The following SLCO3A1 variants were observed in gnomAD, a reference collection of about 807,000 sequenced individuals.
SLCO3A1 encodes PGE1 transporter.
A neutral mutation model predicts 63.1 loss-of-function variants in SLCO3A1; 27 were observed. That is an observed-to-expected ratio of 0.43 (90% CI 0.32 to 0.59). The LOEUF is 0.59. SLCO3A1 is among the 20% of genes least tolerant of loss of function. The pLI is 0.09. For synonymous variants in SLCO3A1, 473 were observed against 409.9 expected, an observed-to-expected ratio of 1.15 and a Z score of -1.86; for missense variants, 773 against 945.8, an observed-to-expected ratio of 0.82 and a Z score of 2.40.
intron 2 of SLCO3A1, among the ~76,000 whole-genome samples, chr15:92,016,212 G>C (rs78223186): frequency 0.14 from 8,039 of 57,140 alleles, 352 homozygotes; most frequent in African/African-American, 0.25. Flanking sequence ...TATATAGATA[G>C]ATAGATAGAT....
downstream of SLCO3A1, among the ~76,000 whole-genome samples, chr15:92,169,062 A>T (rs1241849034): frequency 2.0e-5 from 3 of 152,228 alleles, no homozygotes; most frequent in Non-Finnish European, 4.4e-5. Flanking sequence ...CTTGGTAAGC[A>T]CTAATAATAG....
chr15:92,018,695 C>T (rs151238907), intron 2 of SLCO3A1, among the ~76,000 whole-genome samples: 1 of 152,246 alleles, frequency 6.6e-6, no homozygotes, highest in Non-Finnish European at 1.5e-5. Flanking sequence ...GAGTGGGGAG[C>T]CTGTCTCACC....
chr15:92,037,233 G>C (rs754410660), intron 2 of SLCO3A1, among the ~76,000 whole-genome samples: 1 of 152,150 alleles, frequency 6.6e-6, no homozygotes, highest in Non-Finnish European at 1.5e-5. Flanking sequence ...CAATGTTCAT[G>C]CCAAATGATA....
At chr15:92,150,243 T>G (rs1169310640) in intron 8 of SLCO3A1, among the ~76,000 whole-genome samples, 1 of 152,196 alleles carries the variant, frequency 6.6e-6, no homozygotes, top group Non-Finnish European at 1.5e-5. Context: ...CTGCCTGCTT[T>G]ATATTCTAGC....
At chr15:92,021,762 C>T (rs1357264463) in intron 2 of SLCO3A1, among the ~76,000 whole-genome samples, 2 of 152,130 alleles carry the variant, frequency 1.3e-5, no homozygotes, top group Non-Finnish European at 2.9e-5. Flanking sequence ...CATACATAGT[C>T]GAGGTACTTT....
rs1900272863 is a variant in SLCO3A1, at chr15:91,957,208, C to T, written c.646+40750C>T. Among the ~76,000 whole-genome samples, 3 of 121,972 alleles carry T rather than the reference C, an allele frequency of 2.5e-5. No homozygotes were observed. In the Admixed American group the frequency reaches 3.2e-4, roughly 13 times the overall value. The allele number at this position is 121,972 out of a possible 152,430, so 80.0% of individuals were successfully genotyped here. ...GTTTTACTGTGTTTGCCAGGCTGGTCTCAAACCCCTGACTTCATATGATCC... is the reference window on the plus strand; with the variant it reads ...GTTTTACTGTGTTTGCCAGGCTGGTTTCAAACCCCTGACTTCATATGATCC... On this transcript the variant is annotated intron_variant, in intron 2 of 9. Coordinates refer to ENST00000318445, the MANE Select transcript of SLCO3A1 (RefSeq NM_013272.4).
At chr15:92,047,910 A>G (rs1294684167) in intron 2 of SLCO3A1, among the ~76,000 whole-genome samples, 1 of 151,606 alleles carries the variant, frequency 6.6e-6, no homozygotes, top group Non-Finnish European at 1.5e-5. Context: ...TGTACCGGGC[A>G]CTTCATCTGA....
In SLCO3A1 at chr15:91,872,528, C is replaced by T. The variant is rs1017784375; in HGVS notation, c.180+18440C>T. 7.3e-5 allele frequency among the ~76,000 whole-genome samples: 11 copies of T among 150,632 alleles called. No homozygotes were observed. Among genetic ancestry groups the T allele is most frequent in the East Asian group, 5.8e-4 (3 of 5,144 alleles). On this transcript the variant is annotated intron_variant, in intron 1 of 9. Transcript: ENST00000318445. The surrounding 1 kb of genome is among the most constrained non-coding windows in gnomAD (Gnocchi z 4.1). ...CAGCCAGGGCAACAAAATGAGACTC[C>T]GTCTCAAAAAAAAAAAGAAAAGAAA...
intron 1 of SLCO3A1, among the ~76,000 whole-genome samples, chr15:91,898,927 C>G (rs890370401): frequency 6.6e-6 from 1 of 152,134 alleles, no homozygotes; most frequent in Non-Finnish European, 1.5e-5. Context: ...TCCTATCACC[C>G]AGTCACAACA....
chr15:92,162,802 C>G lies in SLCO3A1; in HGVS notation c.1800C>G (p.Thr600=), dbSNP rs2048456109. 1 of 1,614,148 alleles carries G rather than the reference C, an allele frequency of 6.2e-7. No individual in the cohort carries two copies. The highest frequency in any genetic ancestry group is 8.5e-7 in the Non-Finnish European group (1 of 1,180,004). Residue 600 remains threonine (T), a synonymous_variant, in exon 10 of 10, where the codon ACC becomes ACG. Transcript: ENST00000318445. ...TCTTCGGGGCTGGCATCGACTCCACCTGCCTGTTCTGGAGCACGTTCTGTG... is the reference window on the plus strand; with the variant it reads ...TCTTCGGGGCTGGCATCGACTCCACGTGCCTGTTCTGGAGCACGTTCTGTG... ...PLIFGAGIDS[T]CLFWSTFCGE...
At chr15:92,153,800 C>T (rs1211357706) in intron 9 of SLCO3A1, among the ~76,000 whole-genome samples, 1 of 151,970 alleles carries the variant, frequency 6.6e-6, no homozygotes, top group Non-Finnish European at 1.5e-5. Context: ...GGGTAAAAGC[C>T]CGGGGATGAA....
intron 7 of SLCO3A1, among the ~76,000 whole-genome samples, chr15:92,136,555 C>T (rs1296579241): frequency 6.6e-6 from 1 of 152,194 alleles, no homozygotes; most frequent in Non-Finnish European, 1.5e-5. Flanking sequence ...TGAATAGAAA[C>T]ATTTCTCAAT....
chr15:91,970,387 C>G (rs1263419791), intron 2 of SLCO3A1, among the ~76,000 whole-genome samples: 1 of 152,188 alleles, frequency 6.6e-6, no homozygotes, highest in African/African-American at 2.4e-5. Context: ...CACCCTGGAG[C>G]AGCCAGCAAA....
In SLCO3A1 at chr15:91,891,232, G is replaced by A. The variant is rs921166891; in HGVS notation, c.181-24761G>A. On this transcript the variant is annotated intron_variant, in intron 1 of 9. Coordinates refer to ENST00000318445, the MANE Select transcript of SLCO3A1 (RefSeq NM_013272.4). ...ACCATTCAAATCAGCCACAGGTACC[G>A]TAGCTTCAGGAATATTGCCAGCAGA... is the stretch of plus-strand genomic sequence containing the variant. Among the ~76,000 whole-genome samples the A allele has an allele frequency of 3.9e-5, 6 of 152,180 alleles. No homozygotes were observed. The East Asian group carries it at 5.8e-4, about 15-fold the overall frequency.
Position 91,968,400 on chromosome 15 carries a change from G to A in SLCO3A1, c.646+51942G>A, listed in dbSNP as rs1900736494. On this transcript the variant is annotated intron_variant, in intron 2 of 9. Coordinates refer to ENST00000318445, the MANE Select transcript of SLCO3A1 (RefSeq NM_013272.4). The surrounding 1 kb of genome is among the most constrained non-coding windows in gnomAD (Gnocchi z 4.2). ...CTGCTTGGACTGGTAAGCACAGAGA[G>A]TGAGTCATAGAGTGGCCCTCTAGAA... Among the ~76,000 whole-genome samples, 3 of 151,444 alleles carry A rather than the reference G, an allele frequency of 2.0e-5. No homozygotes were observed. In the South Asian group the frequency reaches 6.2e-4, roughly 31 times the overall value.
rs771459316 is a variant in SLCO3A1, at chr15:91,886,947, G to A, written c.181-29046G>A. 5.9e-5 allele frequency among the ~76,000 whole-genome samples: 9 copies of A among 152,208 alleles called. No individual in the cohort carries two copies. The highest frequency in any genetic ancestry group is 8.8e-5 in the Non-Finnish European group (6 of 68,042). On this transcript the variant is annotated intron_variant, in intron 1 of 9. Coordinates refer to ENST00000318445, the MANE Select transcript of SLCO3A1 (RefSeq NM_013272.4). The surrounding 1 kb of genome is among the most constrained non-coding windows in gnomAD (Gnocchi z 4.9). ...TGCTTACAGCTGAAGTTGCAGTTGCGTGGGAGAGGGAGCAGGAGTTTATTC... is the reference window on the plus strand; with the variant it reads ...TGCTTACAGCTGAAGTTGCAGTTGCATGGGAGAGGGAGCAGGAGTTTATTC...
chr15:92,157,055 A>C (rs888696164), intron 9 of SLCO3A1: 4 of 152,228 alleles, frequency 2.6e-5, no homozygotes, highest in African/African-American at 7.2e-5. Flanking sequence ...TTATGCATTG[A>C]AATATATATA....
chr15:91,929,297 CT>C (rs1899140357), intron 2 of SLCO3A1, among the ~76,000 whole-genome samples: 1 of 152,198 alleles, frequency 6.6e-6, no homozygotes, highest in Non-Finnish European at 1.5e-5. Context: ...GGTGAACTCT[CT>C]TCCAACTCTA....
Position 91,863,972 on chromosome 15 carries a change from G to A in SLCO3A1, c.180+9884G>A, listed in dbSNP as rs1163579214. ...TTGCCAAGCTGTATACATGCATCAA[G>A]GAGATGCATATAAATAGATCAAAAA... is the stretch of plus-strand genomic sequence containing the variant. On this transcript the variant is annotated intron_variant, in intron 1 of 9. Coordinates refer to ENST00000318445, the MANE Select transcript of SLCO3A1 (RefSeq NM_013272.4). The surrounding 1 kb of genome is among the most constrained non-coding windows in gnomAD (Gnocchi z 4.3). 6.6e-6 allele frequency among the ~76,000 whole-genome samples: 1 copy of A among 152,216 alleles called. No homozygotes were observed. Among genetic ancestry groups the A allele is most frequent in the Non-Finnish European group, 1.5e-5 (1 of 68,048 alleles).
Sources: allele counts gnomAD v4.1 joint callset (sites outside exome capture counted in the v4.1 genomes callset), GRCh38; gene constraint gnomAD v4.1.1; non-coding constraint Gnocchi (gnomAD v3.1); transcripts MANE v1.5; gene names NCBI Gene and HGNC (gene_info 2026-07-23, HGNC 2026-07-21).